Variants in NUAK1 observed in about 807,000 individuals in gnomAD.
The protein encoded by NUAK1 is NUAK family SNF1-like kinase 1.
NUAK1 carries 26 observed loss-of-function variants against 56.9 expected under a neutral mutation model. The ratio of observed to expected loss-of-function variants is 0.46; its 90% confidence interval spans 0.33 to 0.63. NUAK1 has a LOEUF of 0.63. Ranked by LOEUF, NUAK1 falls within the 30% of genes least tolerant of loss-of-function variation. NUAK1 has a pLI of 0.02. For synonymous variants in NUAK1, 337 were observed against 336.0 expected (o/e 1.00, Z -0.03); for missense variants, 727 against 876.1 (o/e 0.83, Z 2.15).
intron 2 of NUAK1, among the ~76,000 whole-genome samples, chr12:106,105,430 T>C (rs61243923): frequency 0.048 from 7,383 of 152,228 alleles, 379 homozygotes; most frequent in African/African-American, 0.13. Context: ...AACTTAAGTG[T>C]TTGGCAAAAG....
chr12:106,080,337 G>A (rs2032503633), intron 4 of NUAK1, among the ~76,000 whole-genome samples: 1 of 152,192 alleles, frequency 6.6e-6, no homozygotes, highest in African/African-American at 2.4e-5. Context: ...CCTGGTGCCT[G>A]GACCTCTTCT....
chr12:106,104,947 G>A (rs2032786231), intron 2 of NUAK1, among the ~76,000 whole-genome samples: 1 of 150,722 alleles, frequency 6.6e-6, no homozygotes, highest in Non-Finnish European at 1.5e-5. Flanking sequence ...TTAAAAATAA[G>A]TTCATTTTTC....
In NUAK1 at chr12:106,138,611, A is replaced by G; in HGVS notation, c.43T>C (p.Leu15=). 1.3e-6 allele frequency: 2 copies of G among 1,535,186 alleles called. No individual in the cohort carries two copies. Among genetic ancestry groups the G allele is most frequent in the Non-Finnish European group, 1.7e-6 (2 of 1,147,146 alleles). The change falls in exon 1 of 7, where the codon TTG becomes CTG. Residue 15 remains leucine, a synonymous_variant. Coordinates refer to ENST00000261402, the MANE Select transcript of NUAK1 (RefSeq NM_014840.3). The surrounding 1 kb of genome is among the most constrained non-coding windows in gnomAD (Gnocchi z 5.0). ...GGAGAGCCCGGCGCCCCCAGCCCCAAGTCGGGGCGGTCCCCCGCCACAGGC... is the reference window on the plus strand; with the variant it reads ...GGAGAGCCCGGCGCCCCCAGCCCCAGGTCGGGGCGGTCCCCCGCCACAGGC... The part of the protein sequence containing the change: ...AAPVAGDRPD[L]GLGAPGSPRE...
At chr12:106,086,394 T>C (rs149275713) in intron 3 of NUAK1, among the ~76,000 whole-genome samples, 563 of 152,300 alleles carry the variant, frequency 3.7e-3, no homozygotes, top group Non-Finnish European at 5.7e-3. Context: ...AAATGTAAGA[T>C]GTTAATATTA....
chr12:106,115,246 A>T (rs1244972394), intron 1 of NUAK1, among the ~76,000 whole-genome samples: 2 of 152,230 alleles, frequency 1.3e-5, no homozygotes, highest in Non-Finnish European at 2.9e-5. Context: ...AACCAAAAAA[A>T]CTTTTCTTCA....
At chr12:106,071,144 A>G (rs1055131152) in intron 5 of NUAK1, among the ~76,000 whole-genome samples, 2 of 152,160 alleles carry the variant, frequency 1.3e-5, no homozygotes, top group Non-Finnish European at 2.9e-5. Flanking sequence ...CTAGTAAAGA[A>G]CTTTCTTAAA....
At chr12:106,123,488 C>T (rs978616406) in intron 1 of NUAK1, among the ~76,000 whole-genome samples, 1 of 152,078 alleles carries the variant, frequency 6.6e-6, no homozygotes, top group Non-Finnish European at 1.5e-5. Context: ...CCATATTAGA[C>T]AGTGCAGGTC....
chr12:106,077,274 C>T (rs1218654438), intron 4 of NUAK1, among the ~76,000 whole-genome samples: 1 of 152,182 alleles, frequency 6.6e-6, no homozygotes, highest in Admixed American at 6.5e-5. Flanking sequence ...TGCCAAGTCA[C>T]TCAAGTTCCT....
At position 106,063,675 on chromosome 12, in the gene NUAK1, A is replaced by C. The variant is rs563259996; in HGVS notation, c.*3127T>G. 86 of 112,054 alleles carry C rather than the reference A, an allele frequency of 7.7e-4. No individual in the cohort carries two copies. The highest frequency in any genetic ancestry group is 3.5e-3 in the African/African-American group (80 of 23,074). 6.9% of individuals were successfully genotyped at this position (112,054 alleles called of 1,614,324 possible). On this transcript the variant is annotated 3_prime_UTR_variant, in exon 7 of 7. Transcript: ENST00000261402. The stretch of plus-strand genomic sequence containing the variant: ...AAAATAGAAATTAAATAAAAGTCAC[A>C]ATGTGGATTTTTTTTTTTTTTTAAT...
intron 1 of NUAK1, among the ~76,000 whole-genome samples, chr12:106,126,331 T>A (rs1215052935): frequency 6.6e-6 from 1 of 152,182 alleles, no homozygotes; most frequent in Non-Finnish European, 1.5e-5. Context: ...ACCAGCTACC[T>A]GGGAGAGGCA....
At chr12:106,083,733 A>T in intron 4 of NUAK1, 131 bp downstream of exon 4, 1 of 726,260 alleles carries the variant, frequency 1.4e-6, no homozygotes, top group East Asian at 2.5e-5. Context: ...AAGCAAAGAG[A>T]CTCTTCCCCA....
At chr12:106,125,564 A>G (rs1221775631) in intron 1 of NUAK1, among the ~76,000 whole-genome samples, 1 of 152,232 alleles carries the variant, frequency 6.6e-6, no homozygotes, top group Non-Finnish European at 1.5e-5. Context: ...AATAGTTAGA[A>G]TAGTGCCTGG....
At chr12:106,093,945 C>T (rs954706265) in intron 2 of NUAK1, among the ~76,000 whole-genome samples, 2 of 151,980 alleles carry the variant, frequency 1.3e-5, no homozygotes, top group Non-Finnish European at 2.9e-5. Context: ...ACTACAGGCA[C>T]GTGCCACCAC....
intron 4 of NUAK1, among the ~76,000 whole-genome samples, chr12:106,074,250 T>A (rs61410575): frequency 0.021 from 3,226 of 152,150 alleles, 120 homozygotes; most frequent in African/African-American, 0.075. Flanking sequence ...AAAATAATAA[T>A]AATAATAATA....
intron 1 of NUAK1, among the ~76,000 whole-genome samples, chr12:106,125,720 G>A (rs1265056301): frequency 2.6e-5 from 4 of 151,782 alleles, no homozygotes; most frequent in South Asian, 2.1e-4. Context: ...CCTGCTTCAC[G>A]CCCACACACT....
intron 3 of NUAK1, among the ~76,000 whole-genome samples, chr12:106,085,707 G>GTTA (rs1020923438): frequency 7.2e-5 from 11 of 151,972 alleles, no homozygotes; most frequent in African/African-American, 2.2e-4. Context: ...TATTATTATT[G>GTTA]TTATTATTAT....
At chr12:106,118,315 T>G (rs1249311775) in intron 1 of NUAK1, among the ~76,000 whole-genome samples, 1 of 152,220 alleles carries the variant, frequency 6.6e-6, no homozygotes, top group Non-Finnish European at 1.5e-5. Flanking sequence ...CACCCAAGTT[T>G]CAACCCAGGT....
chr12:106,077,423 T>C (rs2032475532), intron 4 of NUAK1, among the ~76,000 whole-genome samples: 2 of 152,370 alleles, frequency 1.3e-5, no homozygotes, highest in South Asian at 4.1e-4. Flanking sequence ...GCTGATGGTT[T>C]GGCCGACTTA....
chr12:106,137,010 G>A (rs1325005292), intron 1 of NUAK1, among the ~76,000 whole-genome samples: 1 of 152,158 alleles, frequency 6.6e-6, no homozygotes, highest in African/African-American at 2.4e-5. Context: ...TACAGAGCCA[G>A]CTTTAAAAAG....
Sources: gnomAD v4.1 joint callset for allele counts (sites outside exome capture counted in the v4.1 genomes callset) on GRCh38, gnomAD v4.1.1 for gene constraint, Gnocchi (gnomAD v3.1) non-coding constraint, MANE v1.5 for transcripts, NCBI Gene and HGNC (gene_info 2026-07-23, HGNC 2026-07-21) for gene names.